Variants in NAALADL2 observed in about 807,000 individuals in gnomAD.
NAALADL2 encodes N-acetylated alpha-linked acidic dipeptidase like 2.
A neutral mutation model predicts 87.2 loss-of-function variants in NAALADL2; 76 were observed. The ratio of observed to expected loss-of-function variants is 0.87; its 90% CI spans 0.72 to 1.05. The LOEUF (loss-of-function observed/expected upper bound fraction) is 1.05, where lower values mean the gene tolerates loss of function less well. NAALADL2 is among the 50% of genes least tolerant of loss of function. The pLI is 0.00. For synonymous variants in NAALADL2, 354 were observed against 331.0 expected, an observed-to-expected ratio of 1.07 and a Z score of -0.75; for missense variants, 1,089 against 945.8, an observed-to-expected ratio of 1.15 and a Z score of -1.99.
chr3:175,487,460 A>G (rs77907800), intron 9 of NAALADL2: 1 of 452,288 alleles, frequency 2.2e-6, no homozygotes, highest in Non-Finnish European at 4.4e-6. Context: ...ACAAATGAAC[A>G]TAATTTATTT....
At chr3:174,675,850 T>C (rs1726990987) in intron 2 of NAALADL2, among the ~76,000 whole-genome samples, 3 of 152,120 alleles carry the variant, frequency 2.0e-5, no homozygotes, top group Admixed American at 1.3e-4. Context: ...ACAATATATT[T>C]AGCACAGTAA....
chr3:175,273,969 CTG>C (rs570241622), intron 4 of NAALADL2, among the ~76,000 whole-genome samples: 246 of 151,622 alleles, frequency 1.6e-3, no homozygotes, highest in African/African-American at 5.7e-3. Context: ...TTTAAGTAAA[CTG>C]TTTTTTGATT....
chr3:175,125,552 T>C (rs949952263), intron 2 of NAALADL2, among the ~76,000 whole-genome samples: 8 of 152,066 alleles, frequency 5.3e-5, no homozygotes, highest in African/African-American at 1.9e-4. Context: ...ATCCTTTGAT[T>C]GATTACATAT....
chr3:174,587,889 G>A (rs1420456778), intron 2 of NAALADL2, among the ~76,000 whole-genome samples: 6 of 151,958 alleles, frequency 3.9e-5, no homozygotes, highest in East Asian at 3.9e-4. Context: ...TCTTTGTGGC[G>A]TTCTCTGTAT....
chr3:175,443,677 A>T (rs1720198038), intron 5 of NAALADL2, among the ~76,000 whole-genome samples: 1 of 152,186 alleles, frequency 6.6e-6, no homozygotes, highest in Non-Finnish European at 1.5e-5. Flanking sequence ...ACAATTGTTG[A>T]TTCTTTTTTC....
chr3:175,490,785 A>G (rs1241405508), intron 9 of NAALADL2, among the ~76,000 whole-genome samples: 3 of 152,118 alleles, frequency 2.0e-5, no homozygotes, highest in East Asian at 1.9e-4. Flanking sequence ...TTGGAAAGTT[A>G]CAACGAAAGA....
chr3:174,964,070 A>G (rs114886743), intron 1 of NAALADL2, among the ~76,000 whole-genome samples: 3,225 of 152,106 alleles, frequency 0.021, 118 homozygotes, highest in African/African-American at 0.074. Context: ...TTAAAATGAG[A>G]TTTTAAAAAT....
chr3:175,772,645 A>G (rs1347741542), intron 13 of NAALADL2, among the ~76,000 whole-genome samples: 1 of 152,172 alleles, frequency 6.6e-6, no homozygotes, highest in African/African-American at 2.4e-5. Flanking sequence ...GTCCAGTTAC[A>G]CAGGGTTCCG....
chr3:175,579,601 T>C (rs6804781), intron 10 of NAALADL2, among the ~76,000 whole-genome samples: 41,075 of 152,150 alleles, frequency 0.27, 7,643 homozygotes, highest in African/African-American at 0.53. Context: ...AAATAGTGCC[T>C]TGTTAATTGA....
intron 10 of NAALADL2, among the ~76,000 whole-genome samples, chr3:175,595,354 A>G (rs985376894): frequency 9.2e-5 from 14 of 151,902 alleles, no homozygotes; most frequent in African/African-American, 3.1e-4. Context: ...CCATTGGTCT[A>G]TGTGTCTGTT....
intron 3 of NAALADL2, among the ~76,000 whole-genome samples, chr3:174,783,996 T>A (rs556539879): frequency 6.6e-6 from 1 of 152,260 alleles, no homozygotes; most frequent in East Asian, 1.9e-4. Context: ...AGTTTGAAGC[T>A]TAGAGTATTC....
At chr3:175,250,209 A>G (rs1252036390) in intron 3 of NAALADL2, among the ~76,000 whole-genome samples, 1 of 150,862 alleles carries the variant, frequency 6.6e-6, no homozygotes, top group Non-Finnish European at 1.5e-5. Context: ...TTCTTATAAG[A>G]ATAGATACCT....
At chr3:174,738,789 T>A (rs73884705) in intron 3 of NAALADL2, among the ~76,000 whole-genome samples, 1 of 152,162 alleles carries the variant, frequency 6.6e-6, no homozygotes, top group Admixed American at 6.5e-5. Flanking sequence ...TAATTAAAAC[T>A]AAATAAGTAA....
chr3:174,837,683 A>G (rs1579140264), intron 3 of NAALADL2, among the ~76,000 whole-genome samples: 1 of 151,928 alleles, frequency 6.6e-6, no homozygotes, highest in African/African-American at 2.4e-5. Context: ...AATCCCAGCT[A>G]CTCGGGAGGC....
At chr3:174,674,167 G>A (rs904993803) in intron 2 of NAALADL2, among the ~76,000 whole-genome samples, 4 of 151,940 alleles carry the variant, frequency 2.6e-5, no homozygotes, top group African/African-American at 7.3e-5. Flanking sequence ...GCAGGAGGAA[G>A]AGAGAGTGAG....
chr3:175,614,614 A>C (rs1469935131), intron 10 of NAALADL2, among the ~76,000 whole-genome samples: 1 of 152,150 alleles, frequency 6.6e-6, no homozygotes, highest in Admixed American at 6.5e-5. Context: ...TAGAAAAGTG[A>C]TTCAGGTTAG....
chr3:175,498,171 C>T (rs2098570), intron 9 of NAALADL2, among the ~76,000 whole-genome samples: 16,419 of 151,852 alleles, frequency 0.11, 1,062 homozygotes, highest in African/African-American at 0.18. Flanking sequence ...AGAATAAAAA[C>T]GAATGAAAGA....
chr3:175,652,479 CTTT>C (rs771774912), intron 11 of NAALADL2, among the ~76,000 whole-genome samples: 1 of 132,394 alleles, frequency 7.6e-6, no homozygotes, highest in African/African-American at 2.8e-5. Flanking sequence ...TCTTTTCTTT[CTTT>C]TTTTTTTTTT....
At chr3:174,648,679 T>C (rs376150512) in intron 2 of NAALADL2, among the ~76,000 whole-genome samples, 29 of 152,324 alleles carry the variant, frequency 1.9e-4, no homozygotes, top group African/African-American at 5.8e-4. Context: ...ATCTGTGTAT[T>C]TTCTAATCAC....
Sources: allele counts gnomAD v4.1 joint callset (sites outside exome capture counted in the v4.1 genomes callset), GRCh38; gene constraint gnomAD v4.1.1; transcripts MANE v1.5; gene names NCBI Gene and HGNC (gene_info 2026-07-23, HGNC 2026-07-21).